Variants in RHEB observed in about 807,000 individuals in gnomAD.
RHEB encodes Ras homolog, mTORC1 binding.
RHEB carries 2 observed loss-of-function variants against 28.8 expected under a neutral mutation model. That is an observed-to-expected ratio of 0.07 (90% CI 0.03 to 0.22). RHEB has a LOEUF of 0.22. Among genes scored for constraint, RHEB ranks in the 10% least tolerant of loss-of-function variants. RHEB has a pLI of 1.00. For synonymous variants in RHEB, 69 were observed against 77.3 expected (o/e 0.89, Z 0.56); for missense variants, 76 against 219.9 (o/e 0.35, Z 4.14).
intron 1 of RHEB, among the ~76,000 whole-genome samples, chr7:151,498,739 G>A (rs1031309079): frequency 6.6e-6 from 1 of 152,150 alleles, no homozygotes; most frequent in Non-Finnish European, 1.5e-5. Flanking sequence ...CCTCCAGCTC[G>A]GTTACACATT....
chr7:151,504,325 A>T (rs75033176), intron 1 of RHEB, among the ~76,000 whole-genome samples: 1 of 152,086 alleles, frequency 6.6e-6, no homozygotes, highest in Non-Finnish European at 1.5e-5. Context: ...GGGGGGAAAA[A>T]ATCCACCCAA....
At position 151,498,216 on chromosome 7, in the gene RHEB, T is replaced by C. The variant is rs994287501; in HGVS notation, c.53-7202A>G. On this transcript the variant is annotated intron_variant, in intron 1 of 7. Transcript: ENST00000262187. ...AAGGTCAGGTAAATAGAGTTTAAAG[T>C]ACTGGAGGCAATTAAGGAAGAGGAA... 8.8e-6 allele frequency: 10 copies of C among 1,140,262 alleles called. No individual in the cohort carries two copies. In the Admixed American group the frequency reaches 2.1e-4, roughly 24 times the overall value. The allele number at this position is 1,140,262 out of a possible 1,614,324, so 70.6% of individuals were successfully genotyped here.
chr7:151,474,148 T>C (rs922920041), intron 4 of RHEB, among the ~76,000 whole-genome samples: 1 of 151,326 alleles, frequency 6.6e-6, no homozygotes, highest in South Asian at 2.1e-4. Context: ...GACATCACCT[T>C]TCCGATTTTT....
chr7:151,503,601 A>G (rs2150935308), intron 1 of RHEB: 1 of 458,070 alleles, frequency 2.2e-6, no homozygotes, highest in South Asian at 2.3e-5. Flanking sequence ...TATTGAAAAG[A>G]TAACTGAAAC....
At chr7:151,484,633 C>T (rs972457767) in intron 3 of RHEB, 104 bp downstream of exon 3, 1 of 820,240 alleles carries the variant, frequency 1.2e-6, no homozygotes. Flanking sequence ...CTGCACACAA[C>T]CTGAGGGGTT....
intron 2 of RHEB, among the ~76,000 whole-genome samples, chr7:151,490,229 G>A (rs1331484749): frequency 6.6e-6 from 1 of 152,166 alleles, no homozygotes; most frequent in Non-Finnish European, 1.5e-5. Context: ...CTTGAGTCCA[G>A]GATATTGAGT....
chr7:151,511,931 G>A (rs1802997959), intron 1 of RHEB, among the ~76,000 whole-genome samples: 1 of 152,178 alleles, frequency 6.6e-6, no homozygotes, highest in Non-Finnish European at 1.5e-5. Flanking sequence ...AATTATAGGC[G>A]AGAGCCACTG....
intron 1 of RHEB, among the ~76,000 whole-genome samples, chr7:151,495,643 C>T (rs1281269631): frequency 6.6e-6 from 1 of 152,182 alleles, no homozygotes; most frequent in Non-Finnish European, 1.5e-5. Context: ...TGTTATCATG[C>T]TTATTCTCCT....
chr7:151,506,502 A>C (rs1802882673), intron 1 of RHEB, among the ~76,000 whole-genome samples: 2 of 152,204 alleles, frequency 1.3e-5, no homozygotes, highest in Admixed American at 1.3e-4. Flanking sequence ...GAAAATGTAT[A>C]CCAAACATCT....
At position 151,471,617 on chromosome 7, in the gene RHEB, A is replaced by G. The variant is rs1303098078; in HGVS notation, c.276-12T>C. 2.6e-6 allele frequency: 4 copies of G among 1,547,796 alleles called. No homozygotes were observed. Among genetic ancestry groups the G allele is most frequent in the East Asian group, 4.5e-5 (2 of 44,476 alleles). ...TAATCACTTCAAAACTATAAAACAAAAAGTATAAATTAGACATCCATTTTA... is the reference window on the plus strand; with the variant it reads ...TAATCACTTCAAAACTATAAAACAAGAAGTATAAATTAGACATCCATTTTA... On this transcript the variant is annotated splice_polypyrimidine_tract_variant and intron_variant, in intron 4 of 7. Coordinates refer to ENST00000262187, the MANE Select transcript of RHEB (RefSeq NM_005614.4).
intron 1 of RHEB, chr7:151,503,124 A>G: frequency 1.2e-6 from 1 of 813,112 alleles, no homozygotes; most frequent in South Asian, 1.3e-5. Context: ...CTAATGGTCT[A>G]TGAAAATCTG....
intron 3 of RHEB, among the ~76,000 whole-genome samples, chr7:151,479,550 G>A (rs1802341304): frequency 6.6e-6 from 1 of 152,006 alleles, no homozygotes; most frequent in Non-Finnish European, 1.5e-5. Flanking sequence ...GGGCGTGGTG[G>A]CGGGCGCCTG....
intron 4 of RHEB, among the ~76,000 whole-genome samples, chr7:151,474,316 G>A (rs1446308041): frequency 6.6e-6 from 1 of 152,026 alleles, no homozygotes; most frequent in African/African-American, 2.4e-5. Flanking sequence ...GAGCAGCTGG[G>A]ATTACAGGCA....
rs74496119 is a variant in RHEB, at chr7:151,483,537, G to T, written c.192+1200C>A. 8.8e-3 allele frequency among the ~76,000 whole-genome samples: 1,335 copies of T among 152,284 alleles called. 18 individuals carry two copies. Among genetic ancestry groups the T allele is most frequent in the African/African-American group, 0.03 (1,256 of 41,542 alleles). Reference sequence around the variant, plus strand: ...AGTTCAAGACCAGCCAGGCCAATATGGCGAAACCCCGCCTCTACTAAAAAT... The same window carrying T: ...AGTTCAAGACCAGCCAGGCCAATATTGCGAAACCCCGCCTCTACTAAAAAT... On this transcript the variant is annotated intron_variant, in intron 3 of 7. Coordinates refer to ENST00000262187, the MANE Select transcript of RHEB (RefSeq NM_005614.4).
intron 1 of RHEB, among the ~76,000 whole-genome samples, chr7:151,497,789 C>T (rs1429873505): frequency 6.6e-6 from 1 of 152,182 alleles, no homozygotes; most frequent in African/African-American, 2.4e-5. Flanking sequence ...TGTTCTATCC[C>T]CTTGTTCTCT....
chr7:151,496,926 C>T (rs1241499022), intron 1 of RHEB, among the ~76,000 whole-genome samples: 2 of 151,404 alleles, frequency 1.3e-5, no homozygotes, highest in Non-Finnish European at 2.9e-5. Context: ...ACTACAGGCA[C>T]CGACCACCAC....
chr7:151,508,709 TG>T (rs1475508183), intron 1 of RHEB, among the ~76,000 whole-genome samples: 6 of 151,852 alleles, frequency 4.0e-5, no homozygotes, highest in Non-Finnish European at 5.9e-5. Context: ...CAGGTTGTTC[TG>T]GAGCTCCTGA....
chr7:151,469,041 T>A (rs559092174), intron 7 of RHEB, among the ~76,000 whole-genome samples: 5 of 152,366 alleles, frequency 3.3e-5, no homozygotes, highest in Admixed American at 3.3e-4. Flanking sequence ...ATTCAATTTT[T>A]AAAATATAGG....
chr7:151,474,634 C>T (rs1802235056), intron 4 of RHEB, among the ~76,000 whole-genome samples: 1 of 152,176 alleles, frequency 6.6e-6, no homozygotes. Context: ...AATCTCACAT[C>T]TCTCAACTGC....
Sources: allele counts gnomAD v4.1 joint callset (sites outside exome capture counted in the v4.1 genomes callset), GRCh38; gene constraint gnomAD v4.1.1; transcripts MANE v1.5; gene names NCBI Gene and HGNC (gene_info 2026-07-23, HGNC 2026-07-21).